Variants in COX7B2 observed in about 807,000 individuals in gnomAD.
COX7B2 encodes the protein cytochrome c oxidase subunit 7B2.
For synonymous variants in COX7B2, 37 were observed against 32.1 expected (o/e 1.15, Z -0.51); for missense variants, 109 against 95.9 (o/e 1.14, Z -0.57).
At chr4:46,742,407 G>C (rs1478786916) in intron 2 of COX7B2, among the ~76,000 whole-genome samples, 1 of 152,144 alleles carries the variant, frequency 6.6e-6, no homozygotes, top group African/African-American at 2.4e-5. Flanking sequence ...TTTGTCAGCA[G>C]ATGATGATGC....
chr4:46,737,153 T>C (rs930270098), intron 2 of COX7B2, among the ~76,000 whole-genome samples: 1 of 152,168 alleles, frequency 6.6e-6, no homozygotes, highest in Non-Finnish European at 1.5e-5. Context: ...TTCTAATCGG[T>C]AAATAGGTGT....
intron 2 of COX7B2, among the ~76,000 whole-genome samples, chr4:46,737,373 T>G (rs1225728551): frequency 6.6e-6 from 1 of 152,184 alleles, no homozygotes; most frequent in Non-Finnish European, 1.5e-5. Flanking sequence ...TGTAAATACT[T>G]TCTTCAAGCC....
intron 2 of COX7B2, among the ~76,000 whole-genome samples, chr4:46,804,892 C>T (rs769348898): frequency 2.6e-5 from 4 of 152,164 alleles, no homozygotes; most frequent in African/African-American, 9.6e-5. Context: ...CTGTGCACGT[C>T]GGGGAGGCTC....
Position 46,794,237 on chromosome 4 carries a change from C to T in COX7B2, c.-50+50723G>A, listed in dbSNP as rs761728816. Among the ~76,000 whole-genome samples, 19 of 152,034 alleles carry T rather than the reference C, an allele frequency of 1.2e-4. 1 individual carries two copies. The highest frequency in any genetic ancestry group is 3.9e-4 in the Admixed American group (6 of 15,268). ...GGCTGTGGGATAACGGTGGAAGAAA[C>T]AAGTTGGATTAGGATGAATATATTG... On this transcript the variant is annotated intron_variant, in intron 2 of 2. Transcript: ENST00000355591.
chr4:46,798,794 G>A (rs916744512), intron 2 of COX7B2, among the ~76,000 whole-genome samples: 1 of 152,130 alleles, frequency 6.6e-6, no homozygotes, highest in Non-Finnish European at 1.5e-5. Flanking sequence ...TACATGATGG[G>A]TCCTGAGTAG....
chr4:46,759,450 T>A (rs1465596955), intron 2 of COX7B2, among the ~76,000 whole-genome samples: 2 of 151,874 alleles, frequency 1.3e-5, no homozygotes, highest in Non-Finnish European at 2.9e-5. Context: ...AATCTATCCA[T>A]CAGACAAAGG....
At chr4:46,781,729 A>C (rs538346458) in intron 2 of COX7B2, among the ~76,000 whole-genome samples, 9 of 152,234 alleles carry the variant, frequency 5.9e-5, no homozygotes, top group Non-Finnish European at 1.3e-4. Flanking sequence ...ACCAGCCAGC[A>C]TGAGTTCCGG....
intron 2 of COX7B2, among the ~76,000 whole-genome samples, chr4:46,814,694 G>C (rs559338364): frequency 8.5e-5 from 13 of 152,178 alleles, no homozygotes; most frequent in African/African-American, 2.9e-4. Context: ...TTATACTGCA[G>C]GATTGATCAC....
chr4:46,764,643 G>C (rs922088895), intron 2 of COX7B2, among the ~76,000 whole-genome samples: 2 of 147,778 alleles, frequency 1.4e-5, no homozygotes, highest in South Asian at 4.3e-4. Context: ...GTGGCTCACT[G>C]AACTCCAGCC....
intron 2 of COX7B2, among the ~76,000 whole-genome samples, chr4:46,781,309 A>G (rs935085564): frequency 6.6e-6 from 1 of 152,158 alleles, no homozygotes; most frequent in African/African-American, 2.4e-5. Context: ...CACACTACCC[A>G]AACTAAGTCA....
rs569328521 is a variant in COX7B2 at position 46,900,157 on chromosome 4, T to TG, written c.-105+9002_-105+9003insC. Among the ~76,000 whole-genome samples, 64 of 152,290 alleles carry TG rather than the reference T, an allele frequency of 4.2e-4. No homozygotes were observed. The East Asian group carries it at 8.3e-3, about 20-fold the overall frequency. ...TTACATACTGGGATAGTTTACCTAG[T>TG]TACTCGGTGAAAGCATAGAGCAGAA... On this transcript the variant is annotated intron_variant, in intron 1 of 2. Coordinates refer to ENST00000355591, the MANE Select transcript of COX7B2 (RefSeq NM_130902.3).
At chr4:46,832,928 G>A (rs372712899) in intron 2 of COX7B2, among the ~76,000 whole-genome samples, 18 of 150,850 alleles carry the variant, frequency 1.2e-4, no homozygotes, top group African/African-American at 4.1e-4. Flanking sequence ...TTTTTGAGAT[G>A]GAGTCTCGCT....
chr4:46,808,874 AG>A, intron 2 of COX7B2, among the ~76,000 whole-genome samples: 1 of 152,050 alleles, frequency 6.6e-6, no homozygotes, highest in East Asian at 1.9e-4. Context: ...CTTGCATGCC[AG>A]GGATAAATCT....
chr4:46,756,975 T>C (rs1715839408), intron 2 of COX7B2, among the ~76,000 whole-genome samples: 1 of 152,024 alleles, frequency 6.6e-6, no homozygotes, highest in African/African-American at 2.4e-5. Flanking sequence ...ATTAAAAAGA[T>C]ACCTACATCT....
intron 2 of COX7B2, among the ~76,000 whole-genome samples, chr4:46,765,503 C>G (rs971092686): frequency 8.5e-5 from 13 of 152,144 alleles, no homozygotes; most frequent in African/African-American, 3.1e-4. Context: ...TGACGTGGGC[C>G]TGTCCTCCAG....
At chr4:46,838,368 T>C (rs1331162458) in intron 2 of COX7B2, among the ~76,000 whole-genome samples, 14 of 152,068 alleles carry the variant, frequency 9.2e-5, no homozygotes, top group Non-Finnish European at 8.8e-5. Flanking sequence ...GTATAATATA[T>C]ATATTTCAGA....
At chr4:46,752,931 T>G (rs1032425278) in intron 2 of COX7B2, among the ~76,000 whole-genome samples, 2 of 152,148 alleles carry the variant, frequency 1.3e-5, no homozygotes, top group Non-Finnish European at 2.9e-5. Context: ...GCTGCCCTCA[T>G]AAAATGAGTC....
At chr4:46,888,392 A>G (rs1299139559) in intron 1 of COX7B2, among the ~76,000 whole-genome samples, 1 of 152,060 alleles carries the variant, frequency 6.6e-6, no homozygotes, top group Non-Finnish European at 1.5e-5. Context: ...CAAAAGTAAT[A>G]CATACAATTT....
intron 2 of COX7B2, among the ~76,000 whole-genome samples, chr4:46,806,786 G>A (rs996404866): frequency 2.0e-5 from 3 of 151,914 alleles, no homozygotes; most frequent in Admixed American, 6.6e-5. Context: ...GTCTTTCTAT[G>A]TCTCACTTAA....
Sources: allele counts gnomAD v4.1 joint callset (sites outside exome capture counted in the v4.1 genomes callset), GRCh38; gene constraint gnomAD v4.1.1; transcripts MANE v1.5; gene names NCBI Gene and HGNC (gene_info 2026-07-23, HGNC 2026-07-21).